The following OSBPL5 variants were observed in gnomAD, a reference collection of about 807,000 sequenced individuals.
OSBPL5 encodes oxysterol-binding protein-related protein 5.
Under a neutral mutation model 111.2 loss-of-function variants are expected in OSBPL5, and 71 were observed. The observed-to-expected ratio is 0.64, with a 90% confidence interval of 0.53 to 0.78. The LOEUF (loss-of-function observed/expected upper bound fraction) is 0.78. Among genes scored for constraint, OSBPL5 ranks in the 30% least tolerant of loss-of-function variants. The probability of loss-of-function intolerance (pLI) is 0.00; values close to 1 mark genes in which losing one functional copy is unlikely to be tolerated. For synonymous variants in OSBPL5, 549 were observed against 513.9 expected, an observed-to-expected ratio of 1.07 and a Z score of -0.93; for missense variants, 1,210 against 1,189.3, an observed-to-expected ratio of 1.02 and a Z score of -0.26.
intron 2 of OSBPL5, among the ~76,000 whole-genome samples, chr11:3,127,519 C>T (rs1858669395): frequency 6.6e-6 from 1 of 152,226 alleles, no homozygotes; most frequent in Admixed American, 6.5e-5. Context: ...CTCACAGTCA[C>T]AGAACATCGC....
intron 1 of OSBPL5, among the ~76,000 whole-genome samples, chr11:3,149,776 A>G (rs1590726664): frequency 6.6e-6 from 1 of 152,326 alleles, no homozygotes; most frequent in East Asian, 1.9e-4. Flanking sequence ...ACGGGTGGTC[A>G]CCGCCCTGGC....
rs956739566 is a variant in OSBPL5, at chr11:3,121,393, T to C, written c.402+604A>G. Among the ~76,000 whole-genome samples the C allele has an allele frequency of 6.6e-5, 10 of 152,154 alleles. No homozygotes were observed. The highest frequency in any genetic ancestry group is 1.2e-4 in the Non-Finnish European group (8 of 68,034). ...GTAAATTCTGAAAGTAGTTGTCTTCTTTTCTCATTCTAAATACTCACTTTT... is the reference window on the plus strand; with the variant it reads ...GTAAATTCTGAAAGTAGTTGTCTTCCTTTCTCATTCTAAATACTCACTTTT... On this transcript the variant is annotated intron_variant, in intron 5 of 21. Transcript: ENST00000263650. This position sits in a 1 kb window ranked among gnomAD's most constrained non-coding sequence, Gnocchi z 4.3.
chr11:3,107,459 G>T lies in OSBPL5; in HGVS notation c.867-4C>A, dbSNP rs78584546. On this transcript the variant is annotated splice_region_variant and splice_polypyrimidine_tract_variant and intron_variant, in intron 8 of 21. Coordinates refer to ENST00000263650, the MANE Select transcript of OSBPL5 (RefSeq NM_020896.4). The surrounding 1 kb of genome is among the most constrained non-coding windows in gnomAD (Gnocchi z 6.1). ...CTCCAGGGAAGACCCGTTCAGTCTG[G>T]AAGGTGGATGGTGCCAGTGGGTCCC... The T allele has an allele frequency of 4.1e-3, 6,659 of 1,613,868 alleles. 117 individuals carry two copies. The African/African-American group carries it at 0.052, about 13-fold the overall frequency.
At position 3,140,039 on chromosome 11, in the gene OSBPL5, A is replaced by G. The variant is rs1394323205; in HGVS notation, c.-21-10870T>C. The stretch of plus-strand genomic sequence containing the variant: ...ATCATTCATCGCAAGCTCTGGGCCC[A>G]CTGCTCGGCTGTGCAGCCTGGGAGG... On this transcript the variant is annotated intron_variant, in intron 1 of 21. Coordinates refer to ENST00000263650, the MANE Select transcript of OSBPL5 (RefSeq NM_020896.4). The surrounding 1 kb of genome is among the most constrained non-coding windows in gnomAD (Gnocchi z 4.5). 6.6e-6 allele frequency among the ~76,000 whole-genome samples: 1 copy of G among 152,190 alleles called. No individual in the cohort carries two copies. Among genetic ancestry groups the G allele is most frequent in the Non-Finnish European group, 1.5e-5 (1 of 68,004 alleles).
chr11:3,092,887 C>A lies in OSBPL5; in HGVS notation c.2112G>T (p.Glu704Asp). 6.4e-7 allele frequency: 1 copy of A among 1,553,662 alleles called. No individual in the cohort carries two copies. Among genetic ancestry groups the A allele is most frequent in the Non-Finnish European group, 8.7e-7 (1 of 1,147,670 alleles). ...QLFHLDPITQEWHYRYEDHSP... is the reference protein window; with the variant it reads ...QLFHLDPITQDWHYRYEDHSP... ...CTCACTCCTCGTATCGGTAGTGCCA[C>A]TCCTGGGTGATGGGGTCCAGGTGGA... Residue 704 changes from glutamate to aspartate, a missense_variant, in exon 18 of 22, where the codon GAG becomes GAT. Physicochemically the swap from Glu to Asp is conservative, Grantham distance 45 (BLOSUM62 2). Transcript: ENST00000263650. The surrounding 1 kb of genome is among the most constrained non-coding windows in gnomAD (Gnocchi z 5.4).
At chr11:3,163,636 G>T (rs1847030333) in intron 1 of OSBPL5, among the ~76,000 whole-genome samples, 1 of 152,194 alleles carries the variant, frequency 6.6e-6, no homozygotes, top group Non-Finnish European at 1.5e-5. Context: ...GCCTCCACTG[G>T]ACATGCAGGA....
chr11:3,101,756 C>A (rs925035957), intron 12 of OSBPL5, 57 bp from the exon 13 acceptor site: 34 of 1,447,416 alleles, frequency 2.3e-5, no homozygotes, highest in Non-Finnish European at 3.2e-5. Flanking sequence ...TCCCAGGAAG[C>A]GAGAGCCCAG....
intron 1 of OSBPL5, among the ~76,000 whole-genome samples, chr11:3,151,235 C>T (rs1846575614): frequency 1.3e-5 from 2 of 152,172 alleles, no homozygotes; most frequent in African/African-American, 2.4e-5. Flanking sequence ...GCCCTGCCGG[C>T]ACTGGGATTT....
chr11:3,109,149 G>T lies in OSBPL5; in HGVS notation c.692-1204C>A, dbSNP rs1857820877. Among the ~76,000 whole-genome samples the T allele has an allele frequency of 6.6e-6, 1 of 151,584 alleles. No individual in the cohort carries two copies. Among genetic ancestry groups the T allele is most frequent in the Non-Finnish European group, 1.5e-5 (1 of 67,934 alleles). On this transcript the variant is annotated intron_variant, in intron 7 of 21. Coordinates refer to ENST00000263650, the MANE Select transcript of OSBPL5 (RefSeq NM_020896.4). The surrounding 1 kb of genome is among the most constrained non-coding windows in gnomAD (Gnocchi z 7.4). ...GTCACCCAGGCTGGAGTGCAGTAGG[G>T]TGATCTCAGCTCGCTGCAACCTCTG...
chr11:3,105,973 C>T lies in OSBPL5; in HGVS notation c.1059+1290G>A, dbSNP rs1397180705. Reference sequence around the variant, plus strand: ...TTCTCCTAACAATGGGTCTTCCCTACGGGTGGCCCAGTGTCCACCCCCGCC... The same window carrying T: ...TTCTCCTAACAATGGGTCTTCCCTATGGGTGGCCCAGTGTCCACCCCCGCC... On this transcript the variant is annotated intron_variant, in intron 9 of 21. Coordinates refer to ENST00000263650, the MANE Select transcript of OSBPL5 (RefSeq NM_020896.4). This position sits in a 1 kb window ranked among gnomAD's most constrained non-coding sequence, Gnocchi z 5.2. Among the ~76,000 whole-genome samples, 10 of 152,194 alleles carry T rather than the reference C, an allele frequency of 6.6e-5. No homozygotes were observed. The highest frequency in any genetic ancestry group is 3.3e-4 in the Admixed American group (5 of 15,284).
chr11:3,122,303 G>C, intron 4 of OSBPL5, 45 bp downstream of exon 4: 1 of 1,584,262 alleles, frequency 6.3e-7, no homozygotes, highest in South Asian at 1.1e-5. Flanking sequence ...GGTGGCCGTC[G>C]GTCTGACAGT....
intron 7 of OSBPL5, among the ~76,000 whole-genome samples, chr11:3,119,303 G>A (rs1351332730): frequency 1.3e-5 from 2 of 152,174 alleles, no homozygotes; most frequent in African/African-American, 2.4e-5. Context: ...GAGCCACCAC[G>A]CCTGGCCTTT....
chr11:3,103,168 C>T, intron 11 of OSBPL5, 71 bp downstream of exon 11: 2 of 1,402,082 alleles, frequency 1.4e-6, no homozygotes, highest in Non-Finnish European at 1.9e-6. Flanking sequence ...CAGGGAAGTG[C>T]CAAGGGACGA....
chr11:3,126,616 C>A lies in OSBPL5; in HGVS notation c.137-61G>T, dbSNP rs944520304. 4 of 1,460,938 alleles carry A rather than the reference C, an allele frequency of 2.7e-6. No individual in the cohort carries two copies. The highest frequency in any genetic ancestry group is 2.8e-5 in the African/African-American group (2 of 71,172). The allele number at this position is 1,460,938 out of a possible 1,614,324, so 90.5% of individuals were successfully genotyped here. A position where few individuals can be genotyped will look rare whatever the true frequency, so the allele number is the denominator to read the frequency against. ...GGTGGCGTGGCCAGGCTTCTCAGGCCGCTGCCTGGTGTGAGGCAGGCGAAG... is the reference window on the plus strand; with the variant it reads ...GGTGGCGTGGCCAGGCTTCTCAGGCAGCTGCCTGGTGTGAGGCAGGCGAAG... On this transcript the variant is annotated intron_variant, in intron 2 of 21. Coordinates refer to ENST00000263650, the MANE Select transcript of OSBPL5 (RefSeq NM_020896.4). The surrounding 1 kb of genome is among the most constrained non-coding windows in gnomAD (Gnocchi z 6.5).
chr11:3,114,109 T>C (rs964488640), intron 7 of OSBPL5, among the ~76,000 whole-genome samples: 4 of 152,168 alleles, frequency 2.6e-5, no homozygotes, highest in Non-Finnish European at 5.9e-5. Context: ...TTGGATATTT[T>C]CCAATAAAAA....
Position 3,089,902 on chromosome 11 carries a change from C to T in OSBPL5, c.2445G>A (p.Leu815=). 6.4e-7 allele frequency: 1 copy of T among 1,565,650 alleles called. No individual in the cohort carries two copies. Among genetic ancestry groups the T allele is most frequent in the Non-Finnish European group, 8.7e-7 (1 of 1,155,936 alleles). ...AGAGGATGGCCTCGTGCAGGGCCTG[C>T]AGCCGCCGCGCCTCCTTCCTGCACC... ...CPRCRKEARR[L]QALHEAILSI... is the part of the protein sequence containing the mutation. Residue 815 remains leucine, a synonymous_variant, in exon 21 of 22, where the codon CTG becomes CTA. Transcript: ENST00000263650.
At position 3,155,094 on chromosome 11, in the gene OSBPL5, C is replaced by T. The variant is rs151261506; in HGVS notation, c.-22+10122G>A. On this transcript the variant is annotated intron_variant, in intron 1 of 21. Transcript: ENST00000263650. ...GTTATCTGCATGACAAGGAGCGAGG[C>T]CTCAGGAGAAACCAGCCCTGAAAGG... Among the ~76,000 whole-genome samples, 882 of 152,246 alleles carry T rather than the reference C, an allele frequency of 5.8e-3. 8 individuals are homozygous for T. Among genetic ancestry groups the T allele is most frequent in the African/African-American group, 0.02 (838 of 41,518 alleles).
intron 1 of OSBPL5, among the ~76,000 whole-genome samples, chr11:3,156,005 TA>T (rs1846748168): frequency 6.6e-6 from 1 of 152,198 alleles, no homozygotes; most frequent in Non-Finnish European, 1.5e-5. Flanking sequence ...GGCAAACATC[TA>T]TGTATGGTGT....
At position 3,140,894 on chromosome 11, in the gene OSBPL5, T is replaced by A. The variant is rs1334512668; in HGVS notation, c.-21-11725A>T. On this transcript the variant is annotated intron_variant, in intron 1 of 21. Coordinates refer to ENST00000263650, the MANE Select transcript of OSBPL5 (RefSeq NM_020896.4). This position sits in a 1 kb window ranked among gnomAD's most constrained non-coding sequence, Gnocchi z 4.5. ...GCTGGTGCTCTGGTCAGCCCATGGG[T>A]GTGACAGCCCAGGGGGCCCTGGGGC... is the stretch of plus-strand genomic sequence containing the variant. Among the ~76,000 whole-genome samples, 1 of 146,334 alleles carries A rather than the reference T, an allele frequency of 6.8e-6. No individual in the cohort carries two copies. Among genetic ancestry groups the A allele is most frequent in the East Asian group, 2.2e-4 (1 of 4,622 alleles).
Sources: gnomAD v4.1 joint callset for allele counts (sites outside exome capture counted in the v4.1 genomes callset) on GRCh38, gnomAD v4.1.1 for gene constraint, Gnocchi (gnomAD v3.1) non-coding constraint, MANE v1.5 for transcripts, NCBI Gene and HGNC (gene_info 2026-07-23, HGNC 2026-07-21) for gene names.